The following SIL1 variants were observed in gnomAD, a reference collection of about 807,000 sequenced individuals.
SIL1 encodes nucleotide exchange factor SIL1.
In SIL1, 40 loss-of-function variants were observed where a neutral mutation model predicts 49.1. The ratio of observed to expected loss-of-function variants is 0.81; its 90% CI spans 0.63 to 1.06. The LOEUF (loss-of-function observed/expected upper bound fraction) is 1.06, where lower values mean the gene tolerates loss of function less well. SIL1 is among the 50% of genes least tolerant of loss of function. The pLI is 0.00. For synonymous variants in SIL1, 253 were observed against 250.8 expected (o/e 1.01, Z -0.08); for missense variants, 500 against 572.6 (o/e 0.87, Z 1.29).
rs551973889 is a variant in SIL1 at position 139,100,435 on chromosome 5, C to T, written c.244+20600G>A. Among the ~76,000 whole-genome samples, 4 of 152,174 alleles carry T rather than the reference C, an allele frequency of 2.6e-5. No homozygotes were observed. In the South Asian group the frequency reaches 8.3e-4, roughly 32 times the overall value. On this transcript the variant is annotated intron_variant, in intron 3 of 9. Transcript: ENST00000394817. The stretch of plus-strand genomic sequence containing the variant: ...TGAAATGACAGAGGTAATGGTGAGC[C>T]GCATCACAGAGCTGTGCAGGCCAAA...
At chr5:139,067,474 G>A (rs1232606859) in intron 3 of SIL1, among the ~76,000 whole-genome samples, 7 of 152,124 alleles carry the variant, frequency 4.6e-5, no homozygotes, top group Admixed American at 4.6e-4. Flanking sequence ...AAACATTCAA[G>A]TATTTCCTAG....
chr5:139,190,964 G>C (rs1194902895), intron 1 of SIL1, among the ~76,000 whole-genome samples: 2 of 152,100 alleles, frequency 1.3e-5, no homozygotes, highest in African/African-American at 2.4e-5. Flanking sequence ...AGAGACAGTG[G>C]CTCACACCTG....
intron 1 of SIL1, among the ~76,000 whole-genome samples, chr5:139,179,317 G>A (rs1176591250): frequency 6.6e-6 from 1 of 152,210 alleles, no homozygotes; most frequent in Non-Finnish European, 1.5e-5. Context: ...GGCTACAGGG[G>A]CAGAAGCAGG....
intron 1 of SIL1, among the ~76,000 whole-genome samples, chr5:139,188,536 G>C (rs1433573309): frequency 1.3e-5 from 2 of 152,152 alleles, no homozygotes; most frequent in Non-Finnish European, 2.9e-5. Context: ...ATTGGCTCCA[G>C]GGGCTTTTTC....
At chr5:139,064,708 C>A (rs79976565) in intron 3 of SIL1, among the ~76,000 whole-genome samples, 3,298 of 152,294 alleles carry the variant, frequency 0.022, 128 homozygotes, top group African/African-American at 0.076. Context: ...CAGCCTTTAG[C>A]ACTCGGATGA....
chr5:139,150,461 C>T (rs1308605896), intron 1 of SIL1, among the ~76,000 whole-genome samples: 2 of 152,052 alleles, frequency 1.3e-5, no homozygotes, highest in Non-Finnish European at 2.9e-5. Context: ...TAAATATGTC[C>T]CTCCCCCTAT....
intron 4 of SIL1, among the ~76,000 whole-genome samples, chr5:139,046,387 T>C (rs1581056265): frequency 2.0e-5 from 3 of 152,010 alleles, no homozygotes; most frequent in South Asian, 2.1e-4. Context: ...ATGAAGAACA[T>C]ACAAAATCTT....
intron 1 of SIL1, among the ~76,000 whole-genome samples, chr5:139,149,362 C>T (rs1751255235): frequency 6.6e-6 from 1 of 152,206 alleles, no homozygotes; most frequent in Non-Finnish European, 1.5e-5. Context: ...AGGGACCATA[C>T]AACAAGTTGC....
intron 7 of SIL1, among the ~76,000 whole-genome samples, chr5:138,998,438 G>A (rs551039346): frequency 6.6e-6 from 1 of 152,316 alleles, no homozygotes; most frequent in East Asian, 1.9e-4. Flanking sequence ...AAAGTGCTGG[G>A]ATAATAAGCG....
Position 138,947,471 on chromosome 5 carries a change from C to T in SIL1, c.1032G>A (p.Met344Ile). The change falls in exon 10 of 10, where the codon ATG becomes ATA. Residue 344 changes from methionine (M) to isoleucine (I), a missense_variant and splice_region_variant. Met to Ile is a conservative substitution (Grantham distance 10, BLOSUM62 1). Coordinates refer to ENST00000394817, the MANE Select transcript of SIL1 (RefSeq NM_022464.5). This position sits in a 1 kb window ranked among gnomAD's most constrained non-coding sequence, Gnocchi z 4.1. ...TCAGCTCAGCCTCCTCCTCGGCGAA[C>T]ATCTGCCATCCGCCACAGCCGCAGG... Reference protein sequence around the residue: ...TLLYDLVTEKMFAEEEAELTQ... With the variant: ...TLLYDLVTEKIFAEEEAELTQ... 6.2e-7 allele frequency: 1 copy of T among 1,613,246 alleles called. No individual in the cohort carries two copies. The highest frequency in any genetic ancestry group is 8.5e-7 in the Non-Finnish European group (1 of 1,179,904).
rs186873469 is a variant in SIL1 at position 139,134,669 on chromosome 5, C to G, written c.-10-6816G>C. ...TGGCTGAAAATGGAGAAACCCGAGG[C>G]AGTTTTCTGCTGAGCCCCAAGGCAG... On this transcript the variant is annotated intron_variant, in intron 1 of 9. Transcript: ENST00000394817. 2.0e-5 allele frequency among the ~76,000 whole-genome samples: 3 copies of G among 152,306 alleles called. No homozygotes were observed. The East Asian group carries it at 5.8e-4, about 29-fold the overall frequency.
At chr5:139,087,651 C>G (rs187829368) in intron 3 of SIL1, among the ~76,000 whole-genome samples, 34 of 152,192 alleles carry the variant, frequency 2.2e-4, no homozygotes, top group Admixed American at 6.5e-4. Context: ...TTTGAGGGAG[C>G]AGTCATACTG....
intron 3 of SIL1, among the ~76,000 whole-genome samples, chr5:139,064,919 CAGAGCTGACACCAGA>C (rs1769671680): frequency 1.3e-5 from 2 of 152,184 alleles, no homozygotes; most frequent in African/African-American, 4.8e-5. Flanking sequence ...AGGAGATGCT[CAGAGCTGACACCAGA>C]GAGTTCTCAA....
chr5:139,021,053 A>T, intron 7 of SIL1, 118 bp downstream of exon 7: 1 of 1,419,336 alleles, frequency 7.0e-7, no homozygotes, highest in Non-Finnish European at 9.9e-7. Context: ...ATTTTACTCT[A>T]GTTTCATTGA....
intron 4 of SIL1, among the ~76,000 whole-genome samples, chr5:139,045,021 C>T (rs936428944): frequency 6.6e-6 from 1 of 152,124 alleles, no homozygotes; most frequent in African/African-American, 2.4e-5. Flanking sequence ...CTTCATGTTC[C>T]TCAACCACTA....
intron 3 of SIL1, chr5:139,051,290 A>T: frequency 1.8e-6 from 1 of 541,160 alleles, no homozygotes; most frequent in Non-Finnish European, 3.3e-6. Context: ...TCACACTTGA[A>T]TCTAGAGACC....
At chr5:139,146,369 CAACA>C (rs1751197111) in intron 1 of SIL1, among the ~76,000 whole-genome samples, 1 of 152,046 alleles carries the variant, frequency 6.6e-6, no homozygotes, top group Non-Finnish European at 1.5e-5. Context: ...TCAGCCTGGG[CAACA>C]AAGTGAGACC....
Position 139,164,532 on chromosome 5 carries a change from C to T in SIL1, c.-11+33737G>A, listed in dbSNP as rs111238954. Among the ~76,000 whole-genome samples the T allele has an allele frequency of 2.4e-3, 365 of 152,246 alleles. 3 individuals are homozygous for T. The highest frequency in any genetic ancestry group is 8.4e-3 in the African/African-American group (348 of 41,542). ...CTCTCTCAGCCCCTAGGGTCGGGCC[C>T]ATGGGTTCTGTCCCTAATGAAACTT... is the stretch of plus-strand genomic sequence containing the variant. On this transcript the variant is annotated intron_variant, in intron 1 of 9. Transcript: ENST00000394817.
chr5:139,007,178 C>T (rs1467807485), intron 7 of SIL1, among the ~76,000 whole-genome samples: 9 of 143,778 alleles, frequency 6.3e-5, no homozygotes, highest in Non-Finnish European at 1.4e-4. Flanking sequence ...TCCTTCACAT[C>T]CCTTGTAAGT....
Sources: gnomAD v4.1 joint callset for allele counts (sites outside exome capture counted in the v4.1 genomes callset) on GRCh38, gnomAD v4.1.1 for gene constraint, Gnocchi (gnomAD v3.1) non-coding constraint, MANE v1.5 for transcripts, NCBI Gene and HGNC (gene_info 2026-07-23, HGNC 2026-07-21) for gene names.